The following SHISA9 variants were observed in gnomAD, a reference collection of about 807,000 sequenced individuals.
SHISA9 encodes protein shisa-9.
In SHISA9, 13 loss-of-function variants were observed where a neutral mutation model predicts 38.0. The observed-to-expected ratio is 0.34, with a 90% CI of 0.22 to 0.54. The LOEUF (loss-of-function observed/expected upper bound fraction) is 0.54. Among genes scored for constraint, SHISA9 ranks in the 20% least tolerant of loss-of-function variants. The pLI is 0.91. For missense variants in SHISA9, 538 were observed against 575.8 expected (o/e 0.93, Z 0.67); for synonymous variants, 275 against 242.0 (o/e 1.14, Z -1.27).
rs978863430 is a variant in SHISA9, at chr16:13,125,365, C to T, written c.692-78029C>T. The stretch of plus-strand genomic sequence containing the variant: ...AACTTCCCTAATGGGATGAGGTGTC[C>T]TGGGTGGAAGGAGTGTCTCAAATCC... On this transcript the variant is annotated intron_variant, in intron 2 of 4. Coordinates refer to ENST00000558583, the MANE Select transcript of SHISA9 (RefSeq NM_001145204.3). Among the ~76,000 whole-genome samples the T allele has an allele frequency of 3.9e-5, 6 of 152,260 alleles. No individual in the cohort carries two copies. In the East Asian group the frequency reaches 1.2e-3, roughly 29 times the overall value.
At chr16:13,090,183 C>T (rs2073758754) in intron 2 of SHISA9, among the ~76,000 whole-genome samples, 1 of 152,144 alleles carries the variant, frequency 6.6e-6, no homozygotes, top group South Asian at 2.1e-4. Flanking sequence ...TTTGTGATTT[C>T]TGTTCTTTTA....
intron 2 of SHISA9, among the ~76,000 whole-genome samples, chr16:13,112,521 C>G (rs971427368): frequency 2.0e-5 from 3 of 152,104 alleles, no homozygotes; most frequent in African/African-American, 7.2e-5. Flanking sequence ...TTCTGGGACC[C>G]CACGCCACAG....
chr16:13,318,409 A>G, the SHISA9 span, among the ~76,000 whole-genome samples: 1 of 151,270 alleles, frequency 6.6e-6, no homozygotes. Context: ...TGCAACCTCC[A>G]CCTCCTGGGT....
the SHISA9 span, among the ~76,000 whole-genome samples, chr16:13,379,275 A>C: frequency 6.6e-6 from 1 of 152,222 alleles, no homozygotes; most frequent in Admixed American, 6.5e-5. Flanking sequence ...TTTGGAAGGA[A>C]GTGGGAAAGG....
chr16:13,178,018 G>A (rs533012058), intron 2 of SHISA9, among the ~76,000 whole-genome samples: 1 of 152,264 alleles, frequency 6.6e-6, no homozygotes, highest in African/African-American at 2.4e-5. Context: ...ATGATGCTTT[G>A]CACATAGAGA....
intron 2 of SHISA9, among the ~76,000 whole-genome samples, chr16:12,938,341 C>G (rs9925861): frequency 3.3e-5 from 5 of 152,180 alleles, no homozygotes; most frequent in African/African-American, 1.2e-4. Context: ...CTAGACAAGT[C>G]TTACACATTT....
chr16:13,522,833 C>T, the SHISA9 span, among the ~76,000 whole-genome samples: 1 of 152,154 alleles, frequency 6.6e-6, no homozygotes, highest in Non-Finnish European at 1.5e-5. Flanking sequence ...TTGGTAATAG[C>T]ATCCACCTTC....
chr16:13,019,968 T>TTCC (rs2072829600), intron 2 of SHISA9, among the ~76,000 whole-genome samples: 1,352 of 43,192 alleles, frequency 0.031, 143 homozygotes, highest in Non-Finnish European at 0.043. Context: ...TCCCTCCTTC[T>TTCC]TTCCTTCCTT....
chr16:13,398,514 T>C, the SHISA9 span, among the ~76,000 whole-genome samples: 7 of 151,930 alleles, frequency 4.6e-5, no homozygotes, highest in Non-Finnish European at 1.0e-4. Context: ...TTTTTTTTTT[T>C]TTTTGACACA....
chr16:13,394,953 GTGTGTGTGTGTGTGTGGCTGTT>G, the SHISA9 span, among the ~76,000 whole-genome samples: 1 of 146,368 alleles, frequency 6.8e-6, no homozygotes, highest in Non-Finnish European at 1.5e-5. Flanking sequence ...GTGTGTGTGT[GTGTGTGTGTGTGTGTGGCTGTT>G]TGTGTGTGTG....
chr16:13,558,144 T>C, the SHISA9 span, among the ~76,000 whole-genome samples: 1 of 152,046 alleles, frequency 6.6e-6, no homozygotes, highest in Non-Finnish European at 1.5e-5. Flanking sequence ...ACCAAATCCA[T>C]GCTTGCTTTG....
At chr16:13,303,820 C>T in the SHISA9 span, among the ~76,000 whole-genome samples, 1 of 152,118 alleles carries the variant, frequency 6.6e-6, no homozygotes, top group African/African-American at 2.4e-5. Flanking sequence ...AGAATGATGA[C>T]GTAGTGCAGG....
intron 4 of SHISA9, among the ~76,000 whole-genome samples, chr16:13,225,405 G>T (rs537907414): frequency 6.6e-6 from 1 of 152,310 alleles, no homozygotes; most frequent in South Asian, 2.1e-4. Context: ...TGGAGCAGAG[G>T]AGGGTGCATA....
At chr16:13,351,731 G>A in the SHISA9 span, among the ~76,000 whole-genome samples, 7 of 152,266 alleles carry the variant, frequency 4.6e-5, no homozygotes, top group Admixed American at 1.3e-4. Flanking sequence ...CATAAATAGC[G>A]TTCAGCTGTT....
At chr16:13,400,620 A>G in the SHISA9 span, among the ~76,000 whole-genome samples, 1 of 152,212 alleles carries the variant, frequency 6.6e-6, no homozygotes, top group African/African-American at 2.4e-5. Context: ...AATCAGGAAG[A>G]CAGTTGCTGC....
intron 2 of SHISA9, among the ~76,000 whole-genome samples, chr16:13,008,604 T>C (rs115968179): frequency 0.037 from 5,499 of 148,382 alleles, 178 homozygotes; most frequent in African/African-American, 0.082. Context: ...TCCCCCTTTT[T>C]TCTCTCTCTC....
At chr16:13,083,580 C>A (rs1312267919) in intron 2 of SHISA9, among the ~76,000 whole-genome samples, 1 of 152,166 alleles carries the variant, frequency 6.6e-6, no homozygotes, top group African/African-American at 2.4e-5. Context: ...CAGCCTGATT[C>A]CATGCGAAGC....
At chr16:13,241,537 A>G (rs2051435418), downstream of SHISA9, among the ~76,000 whole-genome samples, 1 of 152,160 alleles carries the variant, frequency 6.6e-6, no homozygotes, top group Admixed American at 6.5e-5. Context: ...ATCCCTAGGC[A>G]CAGAGATGCA....
intron 2 of SHISA9, among the ~76,000 whole-genome samples, chr16:13,021,465 A>G (rs541751244): frequency 1.4e-4 from 21 of 152,208 alleles, no homozygotes; most frequent in African/African-American, 5.1e-4. Context: ...ACAGGAAGTG[A>G]GTTAGGGAGA....
Sources: allele counts gnomAD v4.1 joint callset (sites outside exome capture counted in the v4.1 genomes callset), GRCh38; gene constraint gnomAD v4.1.1; transcripts MANE v1.5; gene names NCBI Gene and HGNC (gene_info 2026-07-23, HGNC 2026-07-21).